ZBBX: variants seen among roughly 807,000 people sequenced by gnomAD.
The protein encoded by ZBBX is zinc finger B-box domain-containing protein 1.
In ZBBX, 101 loss-of-function variants were observed where a neutral mutation model predicts 108.5. The observed-to-expected ratio is 0.93, with a 90% CI of 0.79 to 1.10. The LOEUF (loss-of-function observed/expected upper bound fraction) is 1.10, where lower values mean the gene tolerates loss of function less well. Ranked by LOEUF, ZBBX falls within the 50% of genes least tolerant of loss-of-function variation. ZBBX has a pLI of 0.00. For missense variants in ZBBX, 1,009 were observed against 941.4 expected (o/e 1.07, Z -0.94); for synonymous variants, 356 against 323.4 (o/e 1.10, Z -1.08).
chr3:167,190,473 C>T, the ZBBX span, among the ~76,000 whole-genome samples: 16 of 151,232 alleles, frequency 1.1e-4, no homozygotes, highest in African/African-American at 2.4e-4. Context: ...CTCCGCCTCC[C>T]GGGTTCATGC....
At chr3:167,345,157 A>G (rs1481378994) in intron 9 of ZBBX, among the ~76,000 whole-genome samples, 1 of 151,936 alleles carries the variant, frequency 6.6e-6, no homozygotes, top group Non-Finnish European at 1.5e-5. Context: ...GGACTCATTC[A>G]CATTTCTATT....
intron 20 of ZBBX, among the ~76,000 whole-genome samples, chr3:167,269,520 G>T (rs1013518537): frequency 6.6e-6 from 1 of 152,076 alleles, no homozygotes; most frequent in African/African-American, 2.4e-5. Context: ...TCGTTGTGAA[G>T]GAAACCAAGG....
At chr3:167,309,113 A>T (rs1734154338) in intron 16 of ZBBX, among the ~76,000 whole-genome samples, 1 of 152,210 alleles carries the variant, frequency 6.6e-6, no homozygotes, top group African/African-American at 2.4e-5. Flanking sequence ...GCATGTAATT[A>T]AAAGTGGCTA....
intron 20 of ZBBX, among the ~76,000 whole-genome samples, chr3:167,281,470 G>A (rs187492940): frequency 6.6e-6 from 1 of 152,206 alleles, no homozygotes; most frequent in Admixed American, 6.5e-5. Context: ...GAAAAACAAC[G>A]GAAAAGCAAG....
chr3:167,378,301 A>G (rs1342952601), intron 2 of ZBBX, among the ~76,000 whole-genome samples: 2 of 152,192 alleles, frequency 1.3e-5, no homozygotes, highest in African/African-American at 4.8e-5. Context: ...TTTATGCTCT[A>G]TAGGCAGGTT....
Position 167,305,508 on chromosome 3 carries a change from A to T in ZBBX, c.1725+135T>A, listed in dbSNP as rs184720627. The T allele has an allele frequency of 6.6e-5, 43 of 654,478 alleles. No individual in the cohort carries two copies. The African/African-American group carries it at 7.4e-4, about 11-fold the overall frequency. 40.5% of individuals were successfully genotyped at this position (654,478 alleles called of 1,614,324 possible). On this transcript the variant is annotated intron_variant, in intron 17 of 21. Coordinates refer to ENST00000675490, the MANE Select transcript of ZBBX (RefSeq NM_001199201.2). ...TCTCTCCCGTATGAGTCACTCTTCA[A>T]CTATCTCATAATAATATAAGGCAGC...
intron 20 of ZBBX, among the ~76,000 whole-genome samples, chr3:167,276,968 C>A (rs1346846607): frequency 2.0e-5 from 3 of 151,926 alleles, no homozygotes; most frequent in African/African-American, 7.3e-5. Context: ...GAATTTTCAA[C>A]CCAGAATTTC....
intron 20 of ZBBX, among the ~76,000 whole-genome samples, chr3:167,243,235 A>G (rs1195671742): frequency 6.6e-6 from 1 of 152,240 alleles, no homozygotes; most frequent in African/African-American, 2.4e-5. Context: ...ATGTATCTTC[A>G]TATAAACTAC....
At chr3:167,324,512 G>A (rs954294298) in intron 11 of ZBBX, among the ~76,000 whole-genome samples, 6 of 152,090 alleles carry the variant, frequency 3.9e-5, no homozygotes, top group African/African-American at 1.2e-4. Context: ...GGCTGAAGCC[G>A]GCTCTCTGCC....
At chr3:167,370,946 C>T (rs1302923569) in intron 4 of ZBBX, among the ~76,000 whole-genome samples, 1 of 151,894 alleles carries the variant, frequency 6.6e-6, no homozygotes, top group East Asian at 1.9e-4. Context: ...CAAAACAAAT[C>T]CAAGGGCTAG....
At chr3:167,261,924 T>C (rs536966275) in intron 20 of ZBBX, among the ~76,000 whole-genome samples, 1 of 152,024 alleles carries the variant, frequency 6.6e-6, no homozygotes, top group Non-Finnish European at 1.5e-5. Context: ...CAGCTAGAGA[T>C]TTGCTTATCA....
the ZBBX span, among the ~76,000 whole-genome samples, chr3:167,199,282 G>T: frequency 1.3e-5 from 2 of 152,096 alleles, no homozygotes; most frequent in African/African-American, 4.8e-5. Flanking sequence ...TTGGTTGAGG[G>T]TCACTGCAAA....
intron 5 of ZBBX, chr3:167,366,733 A>G: frequency 2.4e-6 from 1 of 419,036 alleles, no homozygotes. Flanking sequence ...AAGCTTTAGA[A>G]TGTTAAGAAT....
At chr3:167,286,892 TG>T (rs1336304243) in intron 19 of ZBBX, among the ~76,000 whole-genome samples, 1 of 152,166 alleles carries the variant, frequency 6.6e-6, no homozygotes, top group Non-Finnish European at 1.5e-5. Context: ...CTCTATATAC[TG>T]GCATCAGTGC....
intron 1 of ZBBX, among the ~76,000 whole-genome samples, chr3:167,388,939 T>C (rs1414686340): frequency 1.3e-5 from 2 of 152,102 alleles, no homozygotes; most frequent in Non-Finnish European, 2.9e-5. Flanking sequence ...TTTGTATTTC[T>C]ATTTTTGAGA....
At position 167,298,339 on chromosome 3, in the gene ZBBX, T is replaced by C; in HGVS notation, c.1845A>G (p.Glu615=). ...TAATCCTAGTACTGGAATTGTTGCA[T>C]TCTAAACGATGAGAAGGAAGTAAGT... is the stretch of plus-strand genomic sequence containing the variant. ...RLNLLPSHRL[E]CNNSSTRITL... is the part of the protein sequence containing the mutation. Residue 615 remains glutamate (E), a synonymous_variant, in exon 18 of 22, where the codon GAA becomes GAG. Transcript: ENST00000675490. The C allele has an allele frequency of 6.2e-7, 1 of 1,600,038 alleles. No homozygotes were observed. Among genetic ancestry groups the C allele is most frequent in the Non-Finnish European group, 8.5e-7 (1 of 1,174,064 alleles).
chr3:167,320,722 T>C (rs1039233072), intron 12 of ZBBX, among the ~76,000 whole-genome samples: 4 of 152,014 alleles, frequency 2.6e-5, no homozygotes, highest in Non-Finnish European at 5.9e-5. Context: ...ATAAGATATA[T>C]TGACATCACG....
intron 3 of ZBBX, 174 bp from the exon 4 acceptor site, chr3:167,373,124 A>T (rs1746411450): frequency 2.4e-6 from 1 of 424,016 alleles, no homozygotes; most frequent in Non-Finnish European, 4.2e-6. Context: ...CTTCAGCCAC[A>T]TATCAACCAG....
intron 19 of ZBBX, among the ~76,000 whole-genome samples, chr3:167,284,238 A>C (rs1335219881): frequency 2.0e-5 from 3 of 151,048 alleles, no homozygotes; most frequent in Non-Finnish European, 2.9e-5. Flanking sequence ...TATGACTATA[A>C]GTTAGAAATG....
Sources: allele counts gnomAD v4.1 joint callset (sites outside exome capture counted in the v4.1 genomes callset), GRCh38; gene constraint gnomAD v4.1.1; transcripts MANE v1.5; gene names NCBI Gene and HGNC (gene_info 2026-07-23, HGNC 2026-07-21).